AGBL4: variants seen among roughly 807,000 people sequenced by gnomAD.
AGBL4 encodes the protein cytosolic carboxypeptidase 6.
Under a neutral mutation model 66.4 loss-of-function variants are expected in AGBL4, and 58 were observed. That is an observed-to-expected ratio of 0.87 (90% CI 0.71 to 1.09). The LOEUF (loss-of-function observed/expected upper bound fraction) is 1.09, where lower values mean the gene tolerates loss of function less well. Among genes scored for constraint, AGBL4 ranks in the 50% least tolerant of loss-of-function variants. The pLI is 0.00. For missense variants in AGBL4, 579 were observed against 631.0 expected (o/e 0.92, Z 0.88); for synonymous variants, 234 against 222.9 (o/e 1.05, Z -0.44).
intron 6 of AGBL4, among the ~76,000 whole-genome samples, chr1:48,843,562 T>G (rs1225327420): frequency 6.6e-6 from 1 of 152,160 alleles, no homozygotes; most frequent in East Asian, 1.9e-4. Context: ...TTATGACATA[T>G]ACAATTATAT....
At chr1:49,343,490 G>A (rs960696265) in intron 3 of AGBL4, among the ~76,000 whole-genome samples, 1 of 152,132 alleles carries the variant, frequency 6.6e-6, no homozygotes, top group Non-Finnish European at 1.5e-5. Context: ...GATCAAAGAA[G>A]CATACTTTTA....
intron 11 of AGBL4, among the ~76,000 whole-genome samples, chr1:48,554,295 T>C (rs1472651030): frequency 6.6e-6 from 1 of 152,164 alleles, no homozygotes; most frequent in Non-Finnish European, 1.5e-5. Context: ...AGACCTATAT[T>C]TGAGCAACAG....
At chr1:49,380,457 C>T (rs1385239768) in intron 3 of AGBL4, among the ~76,000 whole-genome samples, 4 of 152,144 alleles carry the variant, frequency 2.6e-5, no homozygotes, top group Admixed American at 2.6e-4. Flanking sequence ...CCCCATCAAG[C>T]TACCAATGAC....
chr1:48,556,330 C>G (rs1644320557), intron 11 of AGBL4, among the ~76,000 whole-genome samples: 1 of 152,166 alleles, frequency 6.6e-6, no homozygotes, highest in African/African-American at 2.4e-5. Context: ...GCTGGCCTGT[C>G]TGTCTGACTG....
chr1:49,731,581 T>G (rs1287301816), intron 2 of AGBL4, among the ~76,000 whole-genome samples: 1 of 152,108 alleles, frequency 6.6e-6, no homozygotes, highest in Non-Finnish European at 1.5e-5. Flanking sequence ...ACATATCAAT[T>G]AGGCATCAAG....
chr1:48,766,545 G>GTA (rs936187841), intron 6 of AGBL4, among the ~76,000 whole-genome samples: 3 of 152,216 alleles, frequency 2.0e-5, no homozygotes, highest in African/African-American at 7.2e-5. Flanking sequence ...GAAACAAGTT[G>GTA]TGGCCAACCC....
rs115446110 is a variant in AGBL4 at position 49,508,944 on chromosome 1, A to G, written c.282+188369T>C. On this transcript the variant is annotated intron_variant, in intron 3 of 13. Transcript: ENST00000371839. ...ATCCAATAAGACATGAGAATGATAC[A>G]GAGAAGAAAAACATGATCCCTGCTT... is the stretch of plus-strand genomic sequence containing the variant. Among the ~76,000 whole-genome samples, 818 of 152,048 alleles carry G rather than the reference A, an allele frequency of 5.4e-3. 9 individuals carry two copies. Among genetic ancestry groups the G allele is most frequent in the Middle Eastern group, 0.017 (5 of 294 alleles).
At chr1:49,137,209 C>T (rs934560516) in intron 4 of AGBL4, among the ~76,000 whole-genome samples, 1 of 152,044 alleles carries the variant, frequency 6.6e-6, no homozygotes, top group Non-Finnish European at 1.5e-5. Context: ...GGTCACATAG[C>T]CAAGAAACAG....
intron 6 of AGBL4, among the ~76,000 whole-genome samples, chr1:48,678,592 AT>A (rs1390728032): frequency 6.6e-6 from 1 of 152,108 alleles, no homozygotes; most frequent in African/African-American, 2.4e-5. Context: ...GGTACCCCAT[AT>A]GTGAATGTTG....
intron 5 of AGBL4, among the ~76,000 whole-genome samples, chr1:49,042,957 G>A (rs2149052728): frequency 6.6e-6 from 1 of 152,034 alleles, no homozygotes; most frequent in African/African-American, 2.4e-5. Flanking sequence ...CCTACATTCT[G>A]CCTAGTCATA....
chr1:49,811,945 G>A (rs1051546929), intron 2 of AGBL4, among the ~76,000 whole-genome samples: 3 of 152,086 alleles, frequency 2.0e-5, no homozygotes, highest in African/African-American at 7.2e-5. Flanking sequence ...TTCTCCCTAC[G>A]TCATGTTGCC....
intron 1 of AGBL4, among the ~76,000 whole-genome samples, chr1:49,960,362 A>C (rs1390021188): frequency 1.3e-5 from 2 of 152,176 alleles, no homozygotes; most frequent in East Asian, 3.9e-4. Context: ...GAAAGCTAAA[A>C]GACTTTTAAT....
At chr1:49,281,587 T>C (rs1464570635) in intron 3 of AGBL4, among the ~76,000 whole-genome samples, 1 of 152,248 alleles carries the variant, frequency 6.6e-6, no homozygotes, top group Non-Finnish European at 1.5e-5. Flanking sequence ...TTTCCAATGA[T>C]AATACAGCTG....
At chr1:49,395,108 C>T (rs1644930533) in intron 3 of AGBL4, among the ~76,000 whole-genome samples, 2 of 152,240 alleles carry the variant, frequency 1.3e-5, no homozygotes, top group South Asian at 4.1e-4. Context: ...ATTGGCATGA[C>T]CTTAATCCAT....
chr1:49,629,831 G>A (rs1645536501), intron 3 of AGBL4, among the ~76,000 whole-genome samples: 1 of 151,570 alleles, frequency 6.6e-6, no homozygotes, highest in South Asian at 2.1e-4. Context: ...TTCTATTAAT[G>A]GTTTTCAGAA....
At chr1:49,748,373 G>T (rs139994893) in intron 2 of AGBL4, among the ~76,000 whole-genome samples, 2,800 of 152,256 alleles carry the variant, frequency 0.018, 79 homozygotes, top group African/African-American at 0.062. Context: ...AGTATTCCAT[G>T]ATGTATATGT....
intron 2 of AGBL4, among the ~76,000 whole-genome samples, chr1:49,731,661 A>G (rs1329869827): frequency 6.6e-6 from 1 of 152,190 alleles, no homozygotes; most frequent in Non-Finnish European, 1.5e-5. Flanking sequence ...TATTTAAAAT[A>G]TCTATTATTC....
rs987421664 is a variant in AGBL4, at chr1:48,532,873, G to T, written c.*1300C>A. 2 of 152,176 alleles carry T rather than the reference G, an allele frequency of 1.3e-5. No individual in the cohort carries two copies. Among genetic ancestry groups the T allele is most frequent in the Admixed American group, 1.3e-4 (2 of 15,268 alleles). 9.4% of individuals were successfully genotyped at this position (152,176 alleles called of 1,614,324 possible). On this transcript the variant is annotated 3_prime_UTR_variant, in exon 14 of 14. Coordinates refer to ENST00000371839, the MANE Select transcript of AGBL4 (RefSeq NM_032785.4). The stretch of plus-strand genomic sequence containing the variant: ...AGGAGCTGCACAAAACACTTTATTT[G>T]TGTTCCTCTGGGCAAAACGAACCCA...
chr1:48,954,164 C>T (rs1408037870), intron 5 of AGBL4, among the ~76,000 whole-genome samples: 1 of 152,140 alleles, frequency 6.6e-6, no homozygotes, highest in East Asian at 1.9e-4. Context: ...TTCTTTTGCC[C>T]TTTGGGACCA....
Sources: allele counts gnomAD v4.1 joint callset (sites outside exome capture counted in the v4.1 genomes callset), GRCh38; gene constraint gnomAD v4.1.1; transcripts MANE v1.5; gene names NCBI Gene and HGNC (gene_info 2026-07-23, HGNC 2026-07-21).